TMEM131: variants seen among roughly 807,000 people sequenced by gnomAD.
The protein encoded by TMEM131 is transmembrane protein 131.
In TMEM131, 66 loss-of-function variants were observed where a neutral mutation model predicts 211.6. The observed-to-expected ratio is 0.31, with a 90% confidence interval of 0.26 to 0.38. TMEM131 has a LOEUF of 0.38. Among genes scored for constraint, TMEM131 ranks in the 10% least tolerant of loss-of-function variants. The pLI is 1.00. For missense variants in TMEM131, 2,036 were observed against 2,299.3 expected, an observed-to-expected ratio of 0.89 and a Z score of 2.34; for synonymous variants, 844 against 841.3, an observed-to-expected ratio of 1.00 and a Z score of -0.06.
intron 3 of TMEM131, among the ~76,000 whole-genome samples, chr2:97,902,840 G>A (rs1020965472): frequency 1.3e-5 from 2 of 151,992 alleles, no homozygotes; most frequent in African/African-American, 4.8e-5. Flanking sequence ...AAGAGAGATG[G>A]GCCTAGCCTC....
chr2:97,922,167 G>A (rs1040915626), intron 2 of TMEM131, among the ~76,000 whole-genome samples: 11 of 152,158 alleles, frequency 7.2e-5, no homozygotes, highest in Non-Finnish European at 1.2e-4. Context: ...GCACAACCTA[G>A]ATCTCTCATG....
chr2:97,841,290 T>A (rs778561957), intron 7 of TMEM131, among the ~76,000 whole-genome samples: 3 of 152,192 alleles, frequency 2.0e-5, no homozygotes, highest in Non-Finnish European at 4.4e-5. Context: ...AATCTCACAC[T>A]TGAAAACAAT....
chr2:97,908,297 C>T (rs1676154502), intron 3 of TMEM131, among the ~76,000 whole-genome samples: 3 of 152,110 alleles, frequency 2.0e-5, no homozygotes. Flanking sequence ...TCTCTGGGGG[C>T]CTGCGGGCAG....
chr2:97,821,122 G>A (rs1027486267), intron 11 of TMEM131, among the ~76,000 whole-genome samples: 2 of 152,144 alleles, frequency 1.3e-5, no homozygotes, highest in African/African-American at 4.8e-5. Flanking sequence ...GACTTCCTGG[G>A]TTGAGTGGGG....
intron 5 of TMEM131, among the ~76,000 whole-genome samples, chr2:97,857,280 C>T (rs1294142663): frequency 1.3e-5 from 2 of 152,168 alleles, no homozygotes; most frequent in Non-Finnish European, 2.9e-5. Flanking sequence ...GGCTGGAGCC[C>T]GGTGGGGGCT....
intron 31 of TMEM131, among the ~76,000 whole-genome samples, chr2:97,790,594 C>CT (rs1285208443): frequency 1.3e-5 from 2 of 152,192 alleles, no homozygotes; most frequent in African/African-American, 4.8e-5. Context: ...TGTTGGAAGA[C>CT]TGTGTTGACA....
chr2:97,939,257 A>T (rs1677599400), intron 1 of TMEM131, among the ~76,000 whole-genome samples: 1 of 152,192 alleles, frequency 6.6e-6, no homozygotes, highest in African/African-American at 2.4e-5. Flanking sequence ...TTTTGAAAAG[A>T]TCAACAAAAT....
chr2:97,765,863 C>T (rs1439214535), intron 35 of TMEM131, among the ~76,000 whole-genome samples: 1 of 151,718 alleles, frequency 6.6e-6, no homozygotes, highest in African/African-American at 2.4e-5. Context: ...GCTAGTATAC[C>T]AGCTCCCTGA....
chr2:97,868,596 C>A (rs1674366124), intron 4 of TMEM131, among the ~76,000 whole-genome samples: 1 of 152,122 alleles, frequency 6.6e-6, no homozygotes, highest in Non-Finnish European at 1.5e-5. Context: ...CCCAGGGAAG[C>A]AAAATCCTGG....
intron 7 of TMEM131, among the ~76,000 whole-genome samples, chr2:97,838,467 C>T (rs1343456078): frequency 7.9e-5 from 9 of 113,458 alleles, no homozygotes; most frequent in South Asian, 7.7e-4. Flanking sequence ...TTTTTTGAGA[C>T]GGAGTCTCGC....
At chr2:97,760,723 C>A in intron 37 of TMEM131, 34 bp from the exon 38 acceptor site, 1 of 1,614,002 alleles carries the variant, frequency 6.2e-7, no homozygotes, top group Non-Finnish European at 8.5e-7. Flanking sequence ...ATGGAAGGCA[C>A]ATTAGGACAG....
At chr2:97,842,864 A>AC (rs1683261960) in intron 6 of TMEM131, among the ~76,000 whole-genome samples, 1 of 152,194 alleles carries the variant, frequency 6.6e-6, no homozygotes, top group Admixed American at 6.5e-5. Flanking sequence ...CGTACATGCT[A>AC]AATGGGTAAG....
chr2:97,807,555 C>T (rs535595775), intron 19 of TMEM131, among the ~76,000 whole-genome samples: 11 of 152,354 alleles, frequency 7.2e-5, no homozygotes, highest in African/African-American at 2.4e-4. Context: ...GCCATGCTTC[C>T]TGCACAGTCT....
chr2:97,889,496 C>A (rs1042895050), intron 3 of TMEM131, among the ~76,000 whole-genome samples: 1 of 151,290 alleles, frequency 6.6e-6, no homozygotes, highest in Non-Finnish European at 1.5e-5. Context: ...AAATCTTAAT[C>A]AAATCAAGGA....
chr2:97,914,215 G>T (rs1173860815), intron 2 of TMEM131, among the ~76,000 whole-genome samples: 1 of 152,090 alleles, frequency 6.6e-6, no homozygotes, highest in East Asian at 1.9e-4. Context: ...TTTTTAACAT[G>T]AATTTTCACT....
chr2:97,811,586 A>G (rs1681551376), intron 17 of TMEM131, among the ~76,000 whole-genome samples: 1 of 152,166 alleles, frequency 6.6e-6, no homozygotes, highest in African/African-American at 2.4e-5. Flanking sequence ...TGGAGCCACA[A>G]TTGTATACAC....
At chr2:97,991,937 G>A (rs1461535472) in intron 1 of TMEM131, among the ~76,000 whole-genome samples, 4 of 152,172 alleles carry the variant, frequency 2.6e-5, no homozygotes, top group Non-Finnish European at 4.4e-5. Context: ...GAATTAGAAG[G>A]AGGAGGAAAA....
intron 4 of TMEM131, among the ~76,000 whole-genome samples, chr2:97,860,741 T>C (rs1453138159): frequency 6.6e-6 from 1 of 152,206 alleles, no homozygotes; most frequent in Non-Finnish European, 1.5e-5. Flanking sequence ...TCCACCTTCA[T>C]TGTCCCTTCT....
intron 4 of TMEM131, among the ~76,000 whole-genome samples, chr2:97,878,963 G>A (rs1472721106): frequency 5.9e-5 from 9 of 152,056 alleles, no homozygotes; most frequent in South Asian, 2.1e-4. Context: ...ATCTTCATTC[G>A]GTGAGTACAA....
Sources: allele counts gnomAD v4.1 joint callset (sites outside exome capture counted in the v4.1 genomes callset), GRCh38; gene constraint gnomAD v4.1.1; transcripts MANE v1.5; gene names NCBI Gene and HGNC (gene_info 2026-07-23, HGNC 2026-07-21).